Variants in SCAI observed in about 807,000 individuals in gnomAD.
SCAI encodes the protein suppressor of cancer cell invasion, also known as protein SCAI.
Under a neutral mutation model 92.2 loss-of-function variants are expected in SCAI, and 24 were observed. The ratio of observed to expected loss-of-function variants is 0.26; its 90% CI spans 0.19 to 0.37. The LOEUF (loss-of-function observed/expected upper bound fraction) is 0.37. Among genes scored for constraint, SCAI ranks in the 10% least tolerant of loss-of-function variants. SCAI has a pLI of 1.00. For synonymous variants in SCAI, 261 were observed against 258.6 expected (o/e 1.01, Z -0.09); for missense variants, 450 against 736.2 (o/e 0.61, Z 4.50).
At chr9:125,017,545 G>C (rs931587107) in intron 9 of SCAI, among the ~76,000 whole-genome samples, 1 of 152,116 alleles carries the variant, frequency 6.6e-6, no homozygotes, top group Admixed American at 6.5e-5. Flanking sequence ...GTGATTGATA[G>C]ATGCTAGGAT....
chr9:125,043,700 A>C (rs1320816387), intron 3 of SCAI, among the ~76,000 whole-genome samples: 2 of 152,180 alleles, frequency 1.3e-5, no homozygotes, highest in African/African-American at 4.8e-5. Context: ...CACTCACTGC[A>C]ACCTCTCCCT....
intron 6 of SCAI, among the ~76,000 whole-genome samples, chr9:125,022,023 A>G (rs182920034): frequency 3.6e-4 from 55 of 152,338 alleles, no homozygotes; most frequent in African/African-American, 1.3e-3. Flanking sequence ...AGATTTTCAT[A>G]TAAGTTTGAA....
intron 2 of SCAI, among the ~76,000 whole-genome samples, chr9:125,111,458 C>G (rs1834926976): frequency 6.6e-6 from 1 of 152,156 alleles, no homozygotes; most frequent in African/African-American, 2.4e-5. Context: ...GCTTGTCCAA[C>G]CCATGGCCCA....
intron 13 of SCAI, among the ~76,000 whole-genome samples, chr9:124,996,890 A>G (rs775816115): frequency 6.6e-6 from 1 of 152,152 alleles, no homozygotes; most frequent in East Asian, 1.9e-4. Context: ...TCGGCCTCCC[A>G]AAGTGCTGAC....
At chr9:125,010,080 C>T (rs146620306) in intron 9 of SCAI, among the ~76,000 whole-genome samples, 3,036 of 152,242 alleles carry the variant, frequency 0.02, 93 homozygotes, top group African/African-American at 0.069. Flanking sequence ...GGAACAGCTC[C>T]GGCCTACAGC....
chr9:125,073,407 T>C (rs1344100028), intron 2 of SCAI, among the ~76,000 whole-genome samples: 1 of 152,274 alleles, frequency 6.6e-6, no homozygotes, highest in East Asian at 1.9e-4. Flanking sequence ...CCCGGCCCTA[T>C]TTTTAATTTT....
At chr9:125,087,638 G>C (rs1834348573) in intron 2 of SCAI, among the ~76,000 whole-genome samples, 1 of 152,174 alleles carries the variant, frequency 6.6e-6, no homozygotes, top group Admixed American at 6.6e-5. Flanking sequence ...GCGGCAGATA[G>C]CTTTTGTTTG....
chr9:125,108,137 A>G (rs1232449247), intron 2 of SCAI, among the ~76,000 whole-genome samples: 1 of 152,228 alleles, frequency 6.6e-6, no homozygotes, highest in Non-Finnish European at 1.5e-5. Context: ...CTCAGTGCTC[A>G]ATGTTGCCCA....
chr9:125,075,443 T>C (rs1466936565), intron 2 of SCAI, among the ~76,000 whole-genome samples: 1 of 151,920 alleles, frequency 6.6e-6, no homozygotes, highest in African/African-American at 2.4e-5. Context: ...GCTTCTCACT[T>C]ACTCTGTCAG....
At chr9:124,956,433 G>T (rs1831316156) in intron 17 of SCAI, among the ~76,000 whole-genome samples, 2 of 151,942 alleles carry the variant, frequency 1.3e-5, no homozygotes, top group South Asian at 4.1e-4. Flanking sequence ...TGGTCAGGTT[G>T]GTCTCGAACT....
At chr9:125,115,615 T>G (rs557603353) in intron 2 of SCAI, among the ~76,000 whole-genome samples, 4 of 151,988 alleles carry the variant, frequency 2.6e-5, no homozygotes, top group African/African-American at 9.7e-5. Flanking sequence ...AAAGAATACA[T>G]ACAGTATCAT....
chr9:125,049,080 TTTTCA>T (rs1168729064), intron 3 of SCAI, among the ~76,000 whole-genome samples: 5 of 152,094 alleles, frequency 3.3e-5, no homozygotes, highest in Admixed American at 6.6e-5. Context: ...TCTGTAATTA[TTTTCA>T]TTTAAGACTA....
At chr9:124,990,131 G>A (rs554397800) in intron 14 of SCAI, among the ~76,000 whole-genome samples, 21 of 151,406 alleles carry the variant, frequency 1.4e-4, no homozygotes, top group East Asian at 3.9e-4. Context: ...CCAAGATCAC[G>A]CCATTGCACT....
intron 2 of SCAI, among the ~76,000 whole-genome samples, chr9:125,126,152 A>G (rs1274919480): frequency 6.6e-6 from 1 of 152,202 alleles, no homozygotes; most frequent in Non-Finnish European, 1.5e-5. Context: ...TCAAGGCTCA[A>G]CTAGAGTAGG....
At chr9:124,990,420 C>T (rs1167979886) in intron 14 of SCAI, among the ~76,000 whole-genome samples, 3 of 152,074 alleles carry the variant, frequency 2.0e-5, no homozygotes, top group South Asian at 2.1e-4. Flanking sequence ...ACCCAGGAGG[C>T]GGAAGTTGCA....
At chr9:125,101,567 T>C (rs1005373580) in intron 2 of SCAI, among the ~76,000 whole-genome samples, 19 of 152,000 alleles carry the variant, frequency 1.3e-4, no homozygotes, top group Non-Finnish European at 5.9e-5. Context: ...GAGCTCCACT[T>C]TGGAAGTGTT....
chr9:125,007,611 C>T (rs1832538598), intron 9 of SCAI, among the ~76,000 whole-genome samples: 2 of 151,930 alleles, frequency 1.3e-5, no homozygotes, highest in African/African-American at 4.8e-5. Context: ...GACTGTGCCA[C>T]TGCACTCCCA....
intron 2 of SCAI, among the ~76,000 whole-genome samples, chr9:125,101,347 C>G (rs1483069214): frequency 1.3e-5 from 2 of 152,166 alleles, no homozygotes; most frequent in African/African-American, 4.8e-5. Context: ...TCTAACAACT[C>G]AGGCCACAGT....
At chr9:125,009,029 G>C (rs1832573309) in intron 9 of SCAI, among the ~76,000 whole-genome samples, 1 of 151,964 alleles carries the variant, frequency 6.6e-6, no homozygotes, top group Middle Eastern at 3.4e-3. Context: ...ACAGAAATGA[G>C]AGAAGATAAT....
Sources: gnomAD v4.1 joint callset for allele counts (sites outside exome capture counted in the v4.1 genomes callset) on GRCh38, gnomAD v4.1.1 for gene constraint, MANE v1.5 for transcripts, NCBI Gene and HGNC (gene_info 2026-07-23, HGNC 2026-07-21) for gene names.